Variants in STXBP3 observed in about 807,000 individuals in gnomAD.
The protein encoded by STXBP3 is syntaxin-binding protein 3.
Under a neutral mutation model 85.7 loss-of-function variants are expected in STXBP3, and 41 were observed. The ratio of observed to expected loss-of-function variants is 0.48; its 90% CI spans 0.37 to 0.62. The LOEUF is 0.62. Ranked by LOEUF, STXBP3 falls within the 20% of genes least tolerant of loss-of-function variation. The pLI, the probability that STXBP3 is intolerant of heterozygous loss-of-function variation, is 0.00. For synonymous variants in STXBP3, 229 were observed against 231.7 expected, an observed-to-expected ratio of 0.99 and a Z score of 0.10; for missense variants, 563 against 703.1, an observed-to-expected ratio of 0.80 and a Z score of 2.25.
chr1:108,797,072 G>A (rs777221082), intron 15 of STXBP3, among the ~76,000 whole-genome samples: 5 of 151,870 alleles, frequency 3.3e-5, no homozygotes, highest in Admixed American at 1.3e-4. Flanking sequence ...ATTTAGGCTC[G>A]CTGGGTATGG....
chr1:108,761,176 G>A (rs908793273), intron 6 of STXBP3, among the ~76,000 whole-genome samples: 1 of 152,192 alleles, frequency 6.6e-6, no homozygotes, highest in African/African-American at 2.4e-5. Flanking sequence ...CAAGTGCTGG[G>A]ATTACGGGTG....
chr1:108,773,225 TG>T (rs1446684379), intron 7 of STXBP3, among the ~76,000 whole-genome samples: 1 of 152,216 alleles, frequency 6.6e-6, no homozygotes, highest in African/African-American at 2.4e-5. Context: ...AAATAAATTT[TG>T]GGGTTTTCTT....
At chr1:108,754,444 T>C (rs1661977914) in intron 3 of STXBP3, among the ~76,000 whole-genome samples, 1 of 152,198 alleles carries the variant, frequency 6.6e-6, no homozygotes, top group South Asian at 2.1e-4. Context: ...ATTTTTCTAC[T>C]CCTGGATAAG....
In STXBP3 at chr1:108,785,120, C is replaced by T. The variant is rs377765364; in HGVS notation, c.963+2414C>T. Reference sequence around the variant, plus strand: ...TTCTGGGATCTGGAGGATGGTGACCCGCTTCTCACAGTTCACTAGGCAGTG... The same window carrying T: ...TTCTGGGATCTGGAGGATGGTGACCTGCTTCTCACAGTTCACTAGGCAGTG... On this transcript the variant is annotated intron_variant, in intron 11 of 18. Coordinates refer to ENST00000370008, the MANE Select transcript of STXBP3 (RefSeq NM_007269.4). Among the ~76,000 whole-genome samples, 18 of 152,270 alleles carry T rather than the reference C, an allele frequency of 1.2e-4. No individual in the cohort carries two copies. In the East Asian group the frequency reaches 3.1e-3, roughly 26 times the overall value.
At chr1:108,784,815 A>G (rs936189138) in intron 11 of STXBP3, among the ~76,000 whole-genome samples, 4 of 152,210 alleles carry the variant, frequency 2.6e-5, no homozygotes, top group Admixed American at 2.0e-4. Context: ...CCTGTTCCAA[A>G]TGGGAGAAAT....
intron 17 of STXBP3, 65 bp from the exon 18 acceptor site, chr1:108,807,336 C>T (rs1327336800): frequency 1.4e-6 from 2 of 1,477,898 alleles, no homozygotes; most frequent in Non-Finnish European, 1.8e-6. Context: ...TTTAAGTCTA[C>T]AAGCATTATG....
chr1:108,807,320 A>T, intron 17 of STXBP3, 81 bp from the exon 18 acceptor site: 3 of 1,293,728 alleles, frequency 2.3e-6, no homozygotes, highest in Non-Finnish European at 3.1e-6. Context: ...TGGTTGAGTT[A>T]GGCTTTTTAA....
intron 16 of STXBP3, among the ~76,000 whole-genome samples, 166 bp downstream of exon 16, chr1:108,798,403 CTTCT>C (rs1016808651): frequency 3.7e-5 from 4 of 108,766 alleles, no homozygotes; most frequent in Non-Finnish European, 3.8e-5. Context: ...GAAGATTCTT[CTTCT>C]TTTTTTTTTT....
Position 108,785,636 on chromosome 1 carries a change from C to T in STXBP3, c.963+2930C>T, listed in dbSNP as rs373242162. On this transcript the variant is annotated intron_variant, in intron 11 of 18. Transcript: ENST00000370008. The stretch of plus-strand genomic sequence containing the variant: ...ATTTCAGCAGCCAGCTTGAATTTCT[C>T]CCCCGAAAATGGGTTTTTCTATCAT... Among the ~76,000 whole-genome samples, 11 of 152,282 alleles carry T rather than the reference C, an allele frequency of 7.2e-5. No individual in the cohort carries two copies. In the South Asian group the frequency reaches 2.1e-3, roughly 29 times the overall value.
chr1:108,755,140 A>G (rs1016178192), intron 3 of STXBP3, among the ~76,000 whole-genome samples: 4 of 152,120 alleles, frequency 2.6e-5, no homozygotes, highest in Non-Finnish European at 5.9e-5. Flanking sequence ...AGTCAAGTAT[A>G]AAACCTTAAA....
At chr1:108,774,390 T>G (rs533072862) in intron 7 of STXBP3, among the ~76,000 whole-genome samples, 10 of 152,300 alleles carry the variant, frequency 6.6e-5, no homozygotes, top group African/African-American at 2.2e-4. Flanking sequence ...TCATTTGTCT[T>G]TTAAAAAGTC....
chr1:108,795,611 C>T (rs2101132516), intron 13 of STXBP3, among the ~76,000 whole-genome samples: 1 of 152,178 alleles, frequency 6.6e-6, no homozygotes, highest in East Asian at 1.9e-4. Flanking sequence ...CTTCAAGTCT[C>T]CTGGTGTTTT....
rs143324436 is a variant in STXBP3 at position 108,796,715 on chromosome 1, A to T, written c.1345A>T (p.Ile449Phe). ...IRNWSYLGVP[I>F]VPQSQQGKPL... is the part of the protein sequence containing the mutation. ...TAACTGGAGTTACCTTGGTGTTCCC[A>T]TTGTTCCCCAAGTAAGAAGTCTTAT... The change falls in exon 15 of 19, where the codon ATT becomes TTT. Residue 449 changes from isoleucine (I) to phenylalanine (F), a missense_variant. Ile to Phe is a conservative substitution (Grantham distance 21, BLOSUM62 0). Coordinates refer to ENST00000370008, the MANE Select transcript of STXBP3 (RefSeq NM_007269.4). 1 of 1,613,314 alleles carries T rather than the reference A, an allele frequency of 6.2e-7. No homozygotes were observed. Among genetic ancestry groups the T allele is most frequent in the Admixed American group, 1.7e-5 (1 of 59,922 alleles).
intron 8 of STXBP3, among the ~76,000 whole-genome samples, chr1:108,776,633 T>G (rs937424536): frequency 6.6e-6 from 1 of 152,196 alleles, no homozygotes; most frequent in Admixed American, 6.6e-5. Flanking sequence ...TAACAGATTT[T>G]GAAGTCAGCA....
At chr1:108,794,793 A>C in intron 12 of STXBP3, 34 bp from the exon 13 acceptor site, 1 of 1,584,398 alleles carries the variant, frequency 6.3e-7, no homozygotes, top group East Asian at 2.3e-5. Flanking sequence ...AGTCATTAAA[A>C]TCCTTTAAAT....
chr1:108,753,020 A>G lies in STXBP3; in HGVS notation c.100-43A>G, dbSNP rs1661937468. 4 of 1,443,274 alleles carry G rather than the reference A, an allele frequency of 2.8e-6. No individual in the cohort carries two copies. The East Asian group carries it at 7.3e-5, about 26-fold the overall frequency. 89.4% of individuals were successfully genotyped at this position (1,443,274 alleles called of 1,614,324 possible). A position where few individuals can be genotyped will look rare whatever the true frequency, so the allele number is the denominator to read the frequency against. ...TAAAATTCTTTTTTTCATTCTTGGT[A>G]ATAGGATGCTTACAGTATTTTTAAA... On this transcript the variant is annotated intron_variant, in intron 2 of 18. Transcript: ENST00000370008.
In STXBP3 at chr1:108,772,673, T is replaced by C. The variant is rs1184850222; in HGVS notation, c.447T>C (p.Thr149=). The C allele has an allele frequency of 1.3e-6, 2 of 1,499,492 alleles. No homozygotes were observed. The highest frequency in any genetic ancestry group is 1.8e-6 in the Non-Finnish European group (2 of 1,117,224). The allele number at this position is 1,499,492 out of a possible 1,614,324, so 92.9% of individuals were successfully genotyped here. The part of the protein sequence containing the change: ...SFIPHESQVY[T]LDVPDAFYYC... ...TTTTTGTCTTAACTTAGGTGTATAC[T>C]CTTGATGTACCAGATGCATTCTATT... Residue 149 remains threonine (T), a synonymous_variant, in exon 7 of 19, where the codon ACT becomes ACC. Coordinates refer to ENST00000370008, the MANE Select transcript of STXBP3 (RefSeq NM_007269.4).
intron 11 of STXBP3, among the ~76,000 whole-genome samples, chr1:108,790,123 A>G (rs949733866): frequency 1.2e-4 from 18 of 151,706 alleles, no homozygotes; most frequent in Non-Finnish European, 2.5e-4. Flanking sequence ...CAAATCTTCT[A>G]TTTCTTTTCT....
rs1422353930 is a variant in STXBP3 at position 108,756,609 on chromosome 1, G to T, written c.182-81G>T. ...ATGTATTTTCATATTATTATAAATG[G>T]AAAGTACAGTAAAGTTTATTTAAAA... On this transcript the variant is annotated intron_variant, in intron 3 of 18. Transcript: ENST00000370008. 3.2e-5 allele frequency: 22 copies of T among 694,892 alleles called. No homozygotes were observed. In the East Asian group the frequency reaches 5.1e-4, roughly 16 times the overall value. The allele number at this position is 694,892 out of a possible 1,614,324, so 43.0% of individuals were successfully genotyped here. A position where few individuals can be genotyped will look rare whatever the true frequency, so the allele number is the denominator to read the frequency against.
Sources: allele counts gnomAD v4.1 joint callset (sites outside exome capture counted in the v4.1 genomes callset), GRCh38; gene constraint gnomAD v4.1.1; transcripts MANE v1.5; gene names NCBI Gene and HGNC (gene_info 2026-07-23, HGNC 2026-07-21).